Variants in ACSL4 observed in about 807,000 individuals in gnomAD.
ACSL4 encodes the protein long-chain-fatty-acid--CoA ligase 4.
Under a neutral mutation model 49.1 loss-of-function variants are expected in ACSL4, and 9 were observed. The ratio of observed to expected loss-of-function variants is 0.18; its 90% CI spans 0.11 to 0.32. The LOEUF (loss-of-function observed/expected upper bound fraction) is 0.32, where lower values mean the gene tolerates loss of function less well. Among genes scored for constraint, ACSL4 ranks in the 10% least tolerant of loss-of-function variants. The pLI is 1.00. For synonymous variants in ACSL4, 191 were observed against 170.3 expected, an observed-to-expected ratio of 1.12 and a Z score of -0.95; for missense variants, 333 against 493.7, an observed-to-expected ratio of 0.67 and a Z score of 3.08.
intron 2 of ACSL4, among the ~76,000 whole-genome samples, chrX:109,691,864 A>G (rs1310395211): frequency 8.9e-6 from 1 of 111,967 alleles, no homozygotes; most frequent in African/African-American, 3.2e-5. Context: ...AATTATAATA[A>G]ATACATTTTA....
rs1922589976 is a variant in ACSL4 at position 109,665,867 on chromosome X, T to C, written c.1316-373A>G. ...GCCTCTCTAAGCCTCCATTTCCTCATCTATGAAATGGAGATAGTAACAAAA... is the reference window on the plus strand; with the variant it reads ...GCCTCTCTAAGCCTCCATTTCCTCACCTATGAAATGGAGATAGTAACAAAA... On this transcript the variant is annotated intron_variant, in intron 11 of 15. Coordinates refer to ENST00000672401, the MANE Select transcript of ACSL4 (RefSeq NM_001318510.2). Among the ~76,000 whole-genome samples the C allele has an allele frequency of 2.7e-5, 3 of 111,693 alleles. No individual in the cohort carries two copies. In the Admixed American group the frequency reaches 2.8e-4, roughly 11 times the overall value.
At chrX:109,653,642 C>A in intron 15 of ACSL4, among the ~76,000 whole-genome samples, 1 of 110,351 alleles carries the variant, frequency 9.1e-6, no homozygotes, top group Non-Finnish European at 1.9e-5. Flanking sequence ...ATGATGAGTT[C>A]ATGTCCTTTG....
chrX:109,668,908 T>C, intron 10 of ACSL4, 126 bp downstream of exon 10: 1 of 552,428 alleles, frequency 1.8e-6, no homozygotes, highest in Non-Finnish European at 2.8e-6. Context: ...AAAGAGAATT[T>C]CAACCTTATG....
chrX:109,649,514 C>G (rs1934914990), intron 15 of ACSL4, among the ~76,000 whole-genome samples: 1 of 111,779 alleles, frequency 8.9e-6, no homozygotes, highest in South Asian at 3.7e-4. Flanking sequence ...ACACCTTACA[C>G]AAAAATCAAT....
chrX:109,682,622 AAAC>A (rs1924253562), intron 4 of ACSL4, 94 bp downstream of exon 4: 1 of 1,032,198 alleles, frequency 9.7e-7, no homozygotes. Context: ...TAAAATGGCT[AAAC>A]AACACCTACT....
intron 4 of ACSL4, among the ~76,000 whole-genome samples, chrX:109,681,844 T>C (rs1924189797): frequency 8.9e-6 from 1 of 112,109 alleles, no homozygotes; most frequent in Non-Finnish European, 1.9e-5. Context: ...GAAGCTGTTT[T>C]AGTGAGTCCA....
Position 109,678,106 on chromosome X carries a change from T to C in ACSL4, c.812A>G (p.Lys271Arg), listed in dbSNP as rs756162517. 3 of 1,211,902 alleles carry C rather than the reference T, an allele frequency of 2.5e-6. No homozygotes were observed. Among genetic ancestry groups the C allele is most frequent in the African/African-American group, 1.7e-5 (1 of 57,927 alleles). The part of the protein sequence containing the change: ...QCERIPGLGP[K>R]DTYIGYLPLA... ...AGGCAAGTAGCCAATATATGTGTCC[T>C]TCGGTCTAAAACAAAATAAGAGAAA... Residue 271 changes from lysine to arginine, a missense_variant, in exon 8 of 16, where the codon AAG becomes AGG. Physicochemically the swap from Lys to Arg is conservative, Grantham distance 26. This residue lies in a region of ACSL4 where 157 missense variants were observed against 201.1 expected (regional missense o/e 0.78). Coordinates refer to ENST00000672401, the MANE Select transcript of ACSL4 (RefSeq NM_001318510.2).
At chrX:109,646,522 T>G (rs368109270) in intron 15 of ACSL4, among the ~76,000 whole-genome samples, 11 of 108,563 alleles carry the variant, frequency 1.0e-4, no homozygotes, top group African/African-American at 3.7e-4. Flanking sequence ...CTGAAGGAAG[T>G]GCTAAACATG....
chrX:109,647,780 G>A (rs1392580400), intron 15 of ACSL4, among the ~76,000 whole-genome samples: 1 of 110,445 alleles, frequency 9.1e-6, no homozygotes, highest in Non-Finnish European at 1.9e-5. Context: ...CCGCTAGCAA[G>A]ACTAATAAAG....
intron 11 of ACSL4, among the ~76,000 whole-genome samples, chrX:109,667,275 T>C (rs1922739711): frequency 8.9e-6 from 1 of 112,692 alleles, no homozygotes; most frequent in African/African-American, 3.2e-5. Flanking sequence ...TTTGGGGATA[T>C]GTTTCATTGT....
chrX:109,646,248 A>C (rs1180446630), intron 15 of ACSL4, among the ~76,000 whole-genome samples: 3 of 111,682 alleles, frequency 2.7e-5, no homozygotes, highest in Non-Finnish European at 5.6e-5. Context: ...AATGAAGGAA[A>C]AAATGTTAAG....
intron 8 of ACSL4, among the ~76,000 whole-genome samples, chrX:109,676,026 C>T (rs1476597955): frequency 1.8e-5 from 2 of 111,492 alleles, no homozygotes; most frequent in Admixed American, 1.9e-4. Flanking sequence ...GAACAGAATG[C>T]GTTCTCACAG....
chrX:109,692,959 C>T (rs1925153543), intron 2 of ACSL4, among the ~76,000 whole-genome samples: 1 of 111,689 alleles, frequency 9.0e-6, no homozygotes. Flanking sequence ...CAACTTAGGG[C>T]TTTCAACCAT....
chrX:109,728,112 T>A (rs752831330), intron 1 of ACSL4, among the ~76,000 whole-genome samples: 18 of 112,518 alleles, frequency 1.6e-4, no homozygotes, highest in Non-Finnish European at 3.0e-4. Context: ...TTCCTTCTCA[T>A]ATGAGCACAT....
At chrX:109,688,257 C>T (rs1924765461) in intron 2 of ACSL4, among the ~76,000 whole-genome samples, 1 of 111,889 alleles carries the variant, frequency 8.9e-6, no homozygotes, top group Non-Finnish European at 1.9e-5. Flanking sequence ...ATGCTGTTTT[C>T]TCTCCTGTGA....
Position 109,665,499 on chromosome X carries a change from G to C in ACSL4, c.1316-5C>G. 8.4e-7 allele frequency: 1 copy of C among 1,188,061 alleles called. No homozygotes were observed. The highest frequency in any genetic ancestry group is 1.1e-6 in the Non-Finnish European group (1 of 874,162). On this transcript the variant is annotated splice_polypyrimidine_tract_variant and splice_region_variant and intron_variant, in intron 11 of 15. Transcript: ENST00000672401. Reference sequence around the variant, plus strand: ...TGCCAGTAGTATAGTCAGTTACTGTGAGGGAAAAAGTAACAGAGATATTAG... The same window carrying C: ...TGCCAGTAGTATAGTCAGTTACTGTCAGGGAAAAAGTAACAGAGATATTAG...
At chrX:109,685,881 T>C (rs1924571475) in intron 2 of ACSL4, among the ~76,000 whole-genome samples, 1 of 110,965 alleles carries the variant, frequency 9.0e-6, no homozygotes, top group Non-Finnish European at 1.9e-5. Flanking sequence ...GTCAAGTGAT[T>C]CACAAGTTCC....
chrX:109,667,956 T>G lies in ACSL4; in HGVS notation c.1315+145A>C, dbSNP rs181072568. ...CCACATGATACTTATAATTAAGAAT[T>G]CATAAACCAAAACTACACTGATTTG... On this transcript the variant is annotated intron_variant, in intron 11 of 15. Transcript: ENST00000672401. 4 of 454,876 alleles carry G rather than the reference T, an allele frequency of 8.8e-6. No individual in the cohort carries two copies. In the African/African-American group the frequency reaches 9.9e-5, roughly 11 times the overall value. 37.5% of individuals were successfully genotyped at this position (454,876 alleles called of 1,213,427 possible).
chrX:109,683,576 A>G, intron 2 of ACSL4: 1 of 720,128 alleles, frequency 1.4e-6, no homozygotes, highest in Non-Finnish European at 2.2e-6. Context: ...TAATAGAAGC[A>G]GCAGTAAGAA....
Sources: allele counts gnomAD v4.1 joint callset (sites outside exome capture counted in the v4.1 genomes callset), GRCh38; gene constraint gnomAD v4.1.1; regional missense constraint gnomAD v4.1.1; transcripts MANE v1.5; gene names NCBI Gene and HGNC (gene_info 2026-07-23, HGNC 2026-07-21).